The following SPOCK3 variants were observed in gnomAD, a reference collection of about 807,000 sequenced individuals.
SPOCK3 encodes the protein SPARC (osteonectin), cwcv and kazal like domains proteoglycan 3.
In SPOCK3, 30 loss-of-function variants were observed where a neutral mutation model predicts 56.6. That is an observed-to-expected ratio of 0.53 (90% CI 0.40 to 0.72). SPOCK3 has a LOEUF of 0.72. Among genes scored for constraint, SPOCK3 ranks in the 30% least tolerant of loss-of-function variants. The probability of loss-of-function intolerance (pLI) is 0.00; values close to 1 mark genes in which losing one functional copy is unlikely to be tolerated. For synonymous variants in SPOCK3, 196 were observed against 183.3 expected, an observed-to-expected ratio of 1.07 and a Z score of -0.56; for missense variants, 527 against 530.0, an observed-to-expected ratio of 0.99 and a Z score of 0.06.
chr4:167,013,515 A>T (rs1053840433), intron 3 of SPOCK3, among the ~76,000 whole-genome samples: 1 of 150,922 alleles, frequency 6.6e-6, no homozygotes, highest in Non-Finnish European at 1.5e-5. Context: ...AGTATAAATA[A>T]TATTATTTAT....
intron 2 of SPOCK3, among the ~76,000 whole-genome samples, chr4:167,174,374 G>A (rs1016808213): frequency 2.0e-5 from 3 of 150,340 alleles, no homozygotes; most frequent in African/African-American, 7.4e-5. Flanking sequence ...ATGTTTCAGG[G>A]AAAGAAGATA....
intron 2 of SPOCK3, among the ~76,000 whole-genome samples, chr4:167,108,995 T>TATAA (rs3082380): frequency 7.4e-5 from 1 of 13,438 alleles, no homozygotes; most frequent in African/African-American, 4.9e-4. Flanking sequence ...TATATATTTA[T>TATAA]ATATATATAA....
At chr4:167,143,533 A>G (rs1763698877) in intron 2 of SPOCK3, among the ~76,000 whole-genome samples, 1 of 151,968 alleles carries the variant, frequency 6.6e-6, no homozygotes, top group South Asian at 2.1e-4. Context: ...AAAGCCAACT[A>G]CTGTATTTTC....
At chr4:166,966,204 C>A (rs1183813938) in intron 4 of SPOCK3, among the ~76,000 whole-genome samples, 1 of 149,242 alleles carries the variant, frequency 6.7e-6, no homozygotes, top group East Asian at 2.0e-4. Flanking sequence ...ACTTCATTGT[C>A]GGATGGATCA....
At chr4:167,078,023 C>A (rs1757353663) in intron 2 of SPOCK3, among the ~76,000 whole-genome samples, 1 of 151,794 alleles carries the variant, frequency 6.6e-6, no homozygotes, top group Non-Finnish European at 1.5e-5. Flanking sequence ...AATTTACATT[C>A]TATAGAGAGT....
intron 2 of SPOCK3, among the ~76,000 whole-genome samples, chr4:167,224,531 A>C (rs1341819002): frequency 6.6e-6 from 1 of 152,202 alleles, no homozygotes; most frequent in Non-Finnish European, 1.5e-5. Flanking sequence ...ATTGTTTAAA[A>C]TAGCCATGTA....
chr4:167,109,303 T>TTATTAATA (rs1266178135), intron 2 of SPOCK3, among the ~76,000 whole-genome samples: 2,581 of 88,832 alleles, frequency 0.029, 57 homozygotes, highest in Non-Finnish European at 0.034. Flanking sequence ...TAAATAATAA[T>TTATTAATA]TATTAATATA....
intron 4 of SPOCK3, among the ~76,000 whole-genome samples, chr4:166,935,137 A>T (rs1740256589): frequency 6.6e-6 from 1 of 152,164 alleles, no homozygotes; most frequent in Non-Finnish European, 1.5e-5. Context: ...GGAGGGAGTC[A>T]ATCCACCATG....
chr4:167,208,943 A>G (rs568898283), intron 2 of SPOCK3, among the ~76,000 whole-genome samples: 1 of 152,160 alleles, frequency 6.6e-6, no homozygotes, highest in Non-Finnish European at 1.5e-5. Flanking sequence ...TACATATGCT[A>G]GTTAACTATT....
intron 2 of SPOCK3, among the ~76,000 whole-genome samples, chr4:167,067,273 T>C (rs1442043521): frequency 6.6e-6 from 1 of 151,900 alleles, no homozygotes; most frequent in Non-Finnish European, 1.5e-5. Context: ...GCACCACACT[T>C]TTAAATATTA....
intron 2 of SPOCK3, among the ~76,000 whole-genome samples, chr4:167,164,984 A>T (rs11722191): frequency 0.18 from 27,604 of 152,008 alleles, 2,718 homozygotes; most frequent in Admixed American, 0.26. Context: ...CAAATGATAT[A>T]TCTGGTTCTA....
chr4:166,827,042 CTAAAGTT>C (rs1745555045), intron 6 of SPOCK3, among the ~76,000 whole-genome samples: 1 of 151,978 alleles, frequency 6.6e-6, no homozygotes, highest in Non-Finnish European at 1.5e-5. Flanking sequence ...TATTAGTAAT[CTAAAGTT>C]TAAAGGAAGT....
At chr4:167,109,516 T>C (rs1478689396) in intron 2 of SPOCK3, among the ~76,000 whole-genome samples, 51 of 124,998 alleles carry the variant, frequency 4.1e-4, no homozygotes, top group African/African-American at 1.5e-3. Flanking sequence ...TAAAATATAA[T>C]ATTTATATAT....
At chr4:166,789,664 T>A (rs1328481607) in intron 7 of SPOCK3, among the ~76,000 whole-genome samples, 1 of 152,142 alleles carries the variant, frequency 6.6e-6, no homozygotes, top group Non-Finnish European at 1.5e-5. Context: ...TGCTTTTTAG[T>A]TCCCCCTATT....
chr4:167,024,029 G>T (rs1275403315), intron 3 of SPOCK3, among the ~76,000 whole-genome samples: 1 of 151,976 alleles, frequency 6.6e-6, no homozygotes, highest in Non-Finnish European at 1.5e-5. Flanking sequence ...CACCTATGCA[G>T]ATGCTATTAA....
At chr4:166,978,427 A>T (rs1021802659) in intron 4 of SPOCK3, among the ~76,000 whole-genome samples, 2 of 152,192 alleles carry the variant, frequency 1.3e-5, no homozygotes, top group East Asian at 1.9e-4. Context: ...ACAGTACAAG[A>T]TCTCTATTGT....
At position 166,834,336 on chromosome 4, in the gene SPOCK3, C is replaced by T. The variant is rs141573928; in HGVS notation, c.590-42047G>A. On this transcript the variant is annotated intron_variant, in intron 6 of 10. Transcript: ENST00000357545. ...CATAGGTAGCCACCTTTTTCTCACACGCTTTGCCAAATCTGAAACAGCCCT... is the reference window on the plus strand; with the variant it reads ...CATAGGTAGCCACCTTTTTCTCACATGCTTTGCCAAATCTGAAACAGCCCT... 2.7e-3 allele frequency among the ~76,000 whole-genome samples: 416 copies of T among 152,276 alleles called. 3 individuals are homozygous for T. The highest frequency in any genetic ancestry group is 9.2e-3 in the African/African-American group (384 of 41,562).
At chr4:166,804,776 G>T (rs1742977252) in intron 6 of SPOCK3, among the ~76,000 whole-genome samples, 1 of 152,016 alleles carries the variant, frequency 6.6e-6, no homozygotes, top group South Asian at 2.1e-4. Flanking sequence ...GCTATGTCTA[G>T]AAACAATGCC....
At chr4:167,032,767 T>G (rs2150183898) in intron 3 of SPOCK3, among the ~76,000 whole-genome samples, 1 of 152,138 alleles carries the variant, frequency 6.6e-6, no homozygotes, top group South Asian at 2.1e-4. Context: ...AATGACATTT[T>G]GACAAATACA....
Sources: allele counts gnomAD v4.1 joint callset (sites outside exome capture counted in the v4.1 genomes callset), GRCh38; gene constraint gnomAD v4.1.1; transcripts MANE v1.5; gene names NCBI Gene and HGNC (gene_info 2026-07-23, HGNC 2026-07-21).